CFAP61: variants seen among roughly 807,000 people sequenced by gnomAD.
CFAP61 encodes the protein cilia- and flagella-associated protein 61.
A neutral mutation model predicts 135.6 loss-of-function variants in CFAP61; 107 were observed. That is an observed-to-expected ratio of 0.79 (90% CI 0.67 to 0.93). The LOEUF (loss-of-function observed/expected upper bound fraction) is 0.93, where lower values mean the gene tolerates loss of function less well. Ranked by LOEUF, CFAP61 falls within the 40% of genes least tolerant of loss-of-function variation. The pLI is 0.00. For missense variants in CFAP61, 1,507 were observed against 1,556.2 expected (o/e 0.97, Z 0.53); for synonymous variants, 575 against 578.5 (o/e 0.99, Z 0.09).
At chr20:20,056,062 G>C (rs946222506) in intron 1 of CFAP61, 2 of 1,372,484 alleles carry the variant, frequency 1.5e-6, no homozygotes, top group Admixed American at 2.1e-5. Flanking sequence ...GTTATACAAA[G>C]AAAACAAGTT....
chr20:20,134,857 C>A (rs991402544), intron 8 of CFAP61, among the ~76,000 whole-genome samples: 4 of 152,062 alleles, frequency 2.6e-5, no homozygotes, highest in Non-Finnish European at 4.4e-5. Context: ...TCCTAGTAAG[C>A]ATTTGGGTAA....
chr20:20,126,465 C>G (rs1417138455), intron 8 of CFAP61, among the ~76,000 whole-genome samples: 3 of 151,848 alleles, frequency 2.0e-5, no homozygotes, highest in Admixed American at 2.0e-4. Flanking sequence ...ATCTTTCCTT[C>G]ATATCTGATG....
At chr20:20,093,413 A>G (rs979884055) in intron 7 of CFAP61, among the ~76,000 whole-genome samples, 2 of 150,472 alleles carry the variant, frequency 1.3e-5, no homozygotes, top group African/African-American at 4.9e-5. Context: ...AATATATTAA[A>G]AACCATTGAA....
At chr20:20,193,422 A>C (rs1293318169) in intron 15 of CFAP61, among the ~76,000 whole-genome samples, 2 of 152,004 alleles carry the variant, frequency 1.3e-5, no homozygotes, top group Non-Finnish European at 2.9e-5. Flanking sequence ...TCTTTAATAT[A>C]TTACACACTT....
intron 8 of CFAP61, among the ~76,000 whole-genome samples, chr20:20,139,302 G>A (rs1340628530): frequency 5.3e-5 from 8 of 152,194 alleles, no homozygotes; most frequent in East Asian, 3.9e-4. Flanking sequence ...GTGCCTTGGC[G>A]GAGCCTGTGC....
intron 1 of CFAP61, chr20:20,056,036 G>C: frequency 6.4e-7 from 1 of 1,564,992 alleles, no homozygotes; most frequent in Non-Finnish European, 8.7e-7. Flanking sequence ...TTCCCAAAGA[G>C]TGTCGGAAAG....
chr20:20,147,627 G>A (rs916530640), intron 9 of CFAP61, among the ~76,000 whole-genome samples: 3 of 152,196 alleles, frequency 2.0e-5, no homozygotes, highest in African/African-American at 7.2e-5. Context: ...ATTCCTTGTA[G>A]ATTCTGGATA....
chr20:20,102,399 A>C (rs2048092945), intron 8 of CFAP61, among the ~76,000 whole-genome samples: 1 of 152,160 alleles, frequency 6.6e-6, no homozygotes, highest in East Asian at 1.9e-4. Context: ...CAGATATGTG[A>C]GTATTGGCTG....
At chr20:20,319,155 A>G (rs985071199) in intron 25 of CFAP61, among the ~76,000 whole-genome samples, 57 of 152,332 alleles carry the variant, frequency 3.7e-4, no homozygotes, top group African/African-American at 1.3e-3. Flanking sequence ...TGGCCTGCCC[A>G]TAATACATAG....
At chr20:20,184,246 A>T (rs1016822354) in intron 13 of CFAP61, among the ~76,000 whole-genome samples, 1 of 152,180 alleles carries the variant, frequency 6.6e-6, no homozygotes. Context: ...GTAAAAAAAC[A>T]TGTAATAAGC....
In CFAP61 at chr20:20,228,371, AT is replaced by A; in HGVS notation, c.2059del (p.Cys687AlafsTer4). 1 of 1,605,662 alleles carries A rather than the reference AT, an allele frequency of 6.2e-7. No homozygotes were observed. Among genetic ancestry groups the A allele is most frequent in the Non-Finnish European group, 8.5e-7 (1 of 1,173,168 alleles). On this transcript the variant is annotated frameshift_variant, in exon 18 of 27. Coordinates refer to ENST00000245957, the MANE Select transcript of CFAP61 (RefSeq NM_015585.4). LOFTEE classifies it high-confidence loss of function. Reference protein sequence around the residue: ...VGISFLETLVFCSHMKFNNLT... With the variant: ...VGISFLETLVXCSHMKFNNLT... ...GAATTTCCTTCCTAGAGACATTGGTATTTTGGTGAGTTGTTTCACTCTATTG... is the reference window on the plus strand; with the variant it reads ...GAATTTCCTTCCTAGAGACATTGGTATTTGGTGAGTTGTTTCACTCTATTG...
chr20:20,116,167 G>A (rs59944618), intron 8 of CFAP61, among the ~76,000 whole-genome samples: 14,347 of 152,080 alleles, frequency 0.094, 1,493 homozygotes, highest in East Asian at 0.59. Flanking sequence ...TTGTGGTTTT[G>A]ATTTGCATCT....
At chr20:20,170,739 A>G (rs2054161379) in intron 13 of CFAP61, among the ~76,000 whole-genome samples, 1 of 152,214 alleles carries the variant, frequency 6.6e-6, no homozygotes, top group Admixed American at 6.5e-5. Context: ...GGGACTGGTT[A>G]AATGAATTTT....
intron 18 of CFAP61, among the ~76,000 whole-genome samples, chr20:20,241,241 T>C (rs1306899317): frequency 1.3e-5 from 2 of 152,010 alleles, no homozygotes; most frequent in East Asian, 1.9e-4. Flanking sequence ...CTTTATGACA[T>C]AGGAGATGTG....
At chr20:20,315,740 T>C (rs993692588) in intron 25 of CFAP61, among the ~76,000 whole-genome samples, 5 of 152,222 alleles carry the variant, frequency 3.3e-5, no homozygotes, top group Admixed American at 2.6e-4. Flanking sequence ...GGATCCAGTT[T>C]CAGCTTTCTA....
chr20:20,118,305 C>CTTTCTTTG (rs1568941694), intron 8 of CFAP61, among the ~76,000 whole-genome samples: 2 of 94,724 alleles, frequency 2.1e-5, no homozygotes, highest in Non-Finnish European at 4.4e-5. Flanking sequence ...TTCTTTCTTT[C>CTTTCTTTG]TTTTCTTTCT....
chr20:20,091,476 CCTCT>C (rs371146134), intron 7 of CFAP61, among the ~76,000 whole-genome samples: 9 of 143,224 alleles, frequency 6.3e-5, no homozygotes, highest in South Asian at 4.6e-4. Context: ...TTTCTAATTC[CCTCT>C]CTCTCTCTCT....
intron 25 of CFAP61, among the ~76,000 whole-genome samples, chr20:20,324,049 C>T (rs1325604099): frequency 6.6e-6 from 1 of 152,114 alleles, no homozygotes; most frequent in Non-Finnish European, 1.5e-5. Context: ...AATAAACATT[C>T]TTGATGATAC....
At chr20:20,296,366 TCATCCCTCCTTC>T (rs2055583642) in intron 24 of CFAP61, among the ~76,000 whole-genome samples, 1 of 101,012 alleles carries the variant, frequency 9.9e-6, no homozygotes, top group East Asian at 3.5e-4. Context: ...TTTCCTTTCT[TCATCCCTCCTTC>T]CCTCCCTCCC....
Sources: gnomAD v4.1 joint callset for allele counts (sites outside exome capture counted in the v4.1 genomes callset) on GRCh38, gnomAD v4.1.1 for gene constraint, MANE v1.5 for transcripts, NCBI Gene and HGNC (gene_info 2026-07-23, HGNC 2026-07-21) for gene names.